ACBD6: variants seen among roughly 807,000 people sequenced by gnomAD.
ACBD6 encodes acyl-CoA binding domain containing 6.
In ACBD6, 28 loss-of-function variants were observed where a neutral mutation model predicts 37.2. The ratio of observed to expected loss-of-function variants is 0.75; its 90% CI spans 0.56 to 1.03. ACBD6 has a LOEUF of 1.03. Ranked by LOEUF, ACBD6 falls within the 50% of genes least tolerant of loss-of-function variation. The pLI, the probability that ACBD6 is intolerant of heterozygous loss-of-function variation, is 0.00. For missense variants in ACBD6, 340 were observed against 337.4 expected (o/e 1.01, Z -0.06); for synonymous variants, 113 against 126.8 (o/e 0.89, Z 0.73).
At chr1:180,336,030 G>C (rs1265770326) in intron 6 of ACBD6, among the ~76,000 whole-genome samples, 234 of 150,242 alleles carry the variant, frequency 1.6e-3, no homozygotes, top group African/African-American at 5.2e-3. Context: ...TAGAGACCTA[G>C]AAAGAGACTT....
chr1:180,380,684 G>A (rs1299963262), intron 6 of ACBD6, among the ~76,000 whole-genome samples: 6 of 151,450 alleles, frequency 4.0e-5, no homozygotes, highest in Non-Finnish European at 7.4e-5. Flanking sequence ...ATGAAGACAC[G>A]TGAAAATATA....
At chr1:180,404,291 G>T (rs1181780163) in intron 5 of ACBD6, among the ~76,000 whole-genome samples, 1 of 151,896 alleles carries the variant, frequency 6.6e-6, no homozygotes, top group Admixed American at 6.6e-5. Flanking sequence ...AAGTTGTATG[G>T]TGGTGGTGGT....
At chr1:180,466,244 A>C (rs777703619) in intron 3 of ACBD6, among the ~76,000 whole-genome samples, 1 of 152,226 alleles carries the variant, frequency 6.6e-6, no homozygotes, top group Non-Finnish European at 1.5e-5. Flanking sequence ...GCTTTGACTC[A>C]AAATATAAAA....
chr1:180,459,968 T>G (rs1650069519), intron 3 of ACBD6, among the ~76,000 whole-genome samples: 1 of 15,446 alleles, frequency 6.5e-5, no homozygotes, highest in African/African-American at 2.4e-4. Context: ...AGACTGCTTC[T>G]TTTTTTTTTT....
chr1:180,499,563 C>T (rs759023311), intron 1 of ACBD6, among the ~76,000 whole-genome samples: 6 of 151,968 alleles, frequency 3.9e-5, no homozygotes, highest in Non-Finnish European at 5.9e-5. Context: ...AATAATGACA[C>T]CAATATCAAT....
chr1:180,279,061 TGTGAG>T (rs1649217841), intron 9 of ACBD6: 1 of 152,056 alleles, frequency 6.6e-6, no homozygotes, highest in South Asian at 2.1e-4. Context: ...AACTGAGTGA[TGTGAG>T]GTCCTTTCCT....
At chr1:180,501,495 C>T (rs12077791) in intron 1 of ACBD6, among the ~76,000 whole-genome samples, 15,555 of 152,118 alleles carry the variant, frequency 0.1, 1,129 homozygotes, top group African/African-American at 0.19. Context: ...GCTCGGCTAA[C>T]TTAGTAGAGA....
At chr1:180,333,243 AC>A (rs1168013951) in intron 6 of ACBD6, among the ~76,000 whole-genome samples, 2 of 152,168 alleles carry the variant, frequency 1.3e-5, no homozygotes, top group Non-Finnish European at 2.9e-5. Context: ...TTAAAAAAAA[AC>A]ACAATGAGAA....
At chr1:180,469,212 C>A (rs963919124) in intron 3 of ACBD6, among the ~76,000 whole-genome samples, 5 of 152,142 alleles carry the variant, frequency 3.3e-5, no homozygotes, top group African/African-American at 1.2e-4. Context: ...TTTGATTCTG[C>A]ATTGTATGCA....
At chr1:180,475,439 T>C (rs1193380349) in intron 3 of ACBD6, among the ~76,000 whole-genome samples, 1 of 152,146 alleles carries the variant, frequency 6.6e-6, no homozygotes, top group African/African-American at 2.4e-5. Flanking sequence ...CAGGCTGGAG[T>C]GCCATGGCAT....
At chr1:180,483,364 C>T (rs1316712930) in intron 3 of ACBD6, among the ~76,000 whole-genome samples, 5 of 152,134 alleles carry the variant, frequency 3.3e-5, no homozygotes, top group African/African-American at 7.2e-5. Flanking sequence ...CCTGCTTTCT[C>T]TCCACAGTGC....
At chr1:180,326,956 C>T (rs1315187757) in intron 6 of ACBD6, among the ~76,000 whole-genome samples, 1 of 152,130 alleles carries the variant, frequency 6.6e-6, no homozygotes, top group Non-Finnish European at 1.5e-5. Context: ...ACTCTTTGCT[C>T]TCCTCTTCTC....
chr1:180,363,611 G>A (rs1468123065), intron 6 of ACBD6, among the ~76,000 whole-genome samples: 1 of 152,152 alleles, frequency 6.6e-6, no homozygotes, highest in African/African-American at 2.4e-5. Flanking sequence ...AGGACTGAAA[G>A]GAATGAAGTG....
chr1:180,274,302 A>G, intron 10 of ACBD6: 2 of 1,614,198 alleles, frequency 1.2e-6, no homozygotes, highest in Non-Finnish European at 1.7e-6. Context: ...GGACAATCCT[A>G]TCAGGACTTG....
intron 4 of ACBD6, among the ~76,000 whole-genome samples, chr1:180,427,930 A>C (rs887099202): frequency 7.9e-5 from 12 of 151,776 alleles, no homozygotes; most frequent in African/African-American, 2.7e-4. Flanking sequence ...AAAAAAAAAA[A>C]AAAACCAAAA....
chr1:180,422,074 T>C (rs1648389622), intron 4 of ACBD6, among the ~76,000 whole-genome samples: 1 of 152,236 alleles, frequency 6.6e-6, no homozygotes, highest in African/African-American at 2.4e-5. Flanking sequence ...TAAGTATGCC[T>C]TTCCTATAGC....
rs549079753 is a variant in ACBD6 at position 180,397,284 on chromosome 1, C to T, written c.663+232G>A. Among the ~76,000 whole-genome samples, 92 of 152,030 alleles carry T rather than the reference C, an allele frequency of 6.1e-4. 1 individual carries two copies. Among genetic ancestry groups the T allele is most frequent in the Admixed American group, 3.9e-3 (60 of 15,264 alleles). On this transcript the variant is annotated intron_variant, in intron 6 of 7. Transcript: ENST00000367595. Reference sequence around the variant, plus strand: ...GATTAGTGGTTGCCAAGGTCTGGGGCAAGGGGAGAAATAAAAAAAATGTTA... The same window carrying T: ...GATTAGTGGTTGCCAAGGTCTGGGGTAAGGGGAGAAATAAAAAAAATGTTA...
At chr1:180,278,698 A>C (rs890272778) in intron 9 of ACBD6, 1 of 151,890 alleles carries the variant, frequency 6.6e-6, no homozygotes, top group Non-Finnish European at 1.5e-5. Context: ...GGATTCCAGA[A>C]GTTGCTCTGA....
At chr1:180,423,246 A>T (rs1189105944) in intron 4 of ACBD6, among the ~76,000 whole-genome samples, 1 of 152,222 alleles carries the variant, frequency 6.6e-6, no homozygotes, top group Non-Finnish European at 1.5e-5. Context: ...ACATCAACGT[A>T]TAAGTGGACC....
Sources: gnomAD v4.1 joint callset for allele counts (sites outside exome capture counted in the v4.1 genomes callset) on GRCh38, gnomAD v4.1.1 for gene constraint, MANE v1.5 for transcripts, NCBI Gene and HGNC (gene_info 2026-07-23, HGNC 2026-07-21) for gene names.